The following ELOVL5 variants were observed in gnomAD, a reference collection of about 807,000 sequenced individuals.
ELOVL5 encodes the protein ELOVL fatty acid elongase 5, also known as very long chain fatty acid elongase 5.
In ELOVL5, 8 loss-of-function variants were observed where a neutral mutation model predicts 38.6. That is an observed-to-expected ratio of 0.21 (90% confidence interval 0.12 to 0.37). The LOEUF is 0.37. ELOVL5 is among the 10% of genes least tolerant of loss of function. The pLI is 1.00. For missense variants in ELOVL5, 280 were observed against 367.8 expected (o/e 0.76, Z 1.95); for synonymous variants, 127 against 133.7 (o/e 0.95, Z 0.34).
intron 3 of ELOVL5, among the ~76,000 whole-genome samples, chr6:53,279,267 C>G (rs533775872): frequency 3.1e-4 from 47 of 152,322 alleles, no homozygotes; most frequent in Admixed American, 2.9e-3. Flanking sequence ...TTCTTTTCAA[C>G]TAGAATGCCC....
At chr6:53,293,349 ACT>A (rs1766848073) in intron 2 of ELOVL5, among the ~76,000 whole-genome samples, 1 of 151,998 alleles carries the variant, frequency 6.6e-6, no homozygotes. Flanking sequence ...ACGGAGTCTC[ACT>A]CTGTCGCCCA....
chr6:53,323,062 C>T (rs1034734366), intron 1 of ELOVL5, among the ~76,000 whole-genome samples: 13 of 152,114 alleles, frequency 8.5e-5, no homozygotes, highest in Non-Finnish European at 1.3e-4. Flanking sequence ...GTTCAGTTAC[C>T]GAGCCTGCAC....
intron 1 of ELOVL5, among the ~76,000 whole-genome samples, chr6:53,340,484 C>T (rs1397224587): frequency 1.3e-5 from 2 of 152,182 alleles, no homozygotes; most frequent in East Asian, 1.9e-4. Context: ...ATTCACTCCC[C>T]ACTCACTGAC....
intron 1 of ELOVL5, among the ~76,000 whole-genome samples, chr6:53,311,837 G>A (rs1056895448): frequency 2.6e-5 from 4 of 152,094 alleles, no homozygotes; most frequent in African/African-American, 9.7e-5. Context: ...GACCGATACT[G>A]TTTATGATGT....
At position 53,299,962 on chromosome 6, in the gene ELOVL5, T is replaced by C. The variant is rs569417366; in HGVS notation, c.-8-4255A>G. ...AGAACAGATACATGTGGGGAAATGA[T>C]AATAATTTTCAAATTATTGTTCCTG... On this transcript the variant is annotated intron_variant, in intron 1 of 7. Transcript: ENST00000304434. Among the ~76,000 whole-genome samples, 394 of 152,302 alleles carry C rather than the reference T, an allele frequency of 2.6e-3. 1 individual carries two copies. Among genetic ancestry groups the C allele is most frequent in the African/African-American group, 8.6e-3 (357 of 41,566 alleles).
At chr6:53,290,972 G>A (rs1439160290) in intron 3 of ELOVL5, among the ~76,000 whole-genome samples, 1 of 152,060 alleles carries the variant, frequency 6.6e-6, no homozygotes, top group African/African-American at 2.4e-5. Context: ...TTCTCCAGAA[G>A]AGTTAGAAAT....
At chr6:53,275,897 TATG>T (rs1766093822) in intron 4 of ELOVL5, among the ~76,000 whole-genome samples, 1 of 152,264 alleles carries the variant, frequency 6.6e-6, no homozygotes, top group Non-Finnish European at 1.5e-5. Context: ...ACATTGCTCT[TATG>T]ATCCTGATTG....
At position 53,268,426 on chromosome 6, in the gene ELOVL5, C is replaced by T. The variant is rs182388209; in HGVS notation, c.*701G>A. On this transcript the variant is annotated 3_prime_UTR_variant, in exon 8 of 8. Transcript: ENST00000304434. ...CATCACGACTGCTGTAGAGCCCCCC[C>T]CTTTTTACATTAATAGTGGCACTCA... 2.0e-5 allele frequency: 3 copies of T among 152,226 alleles called. No homozygotes were observed. The highest frequency in any genetic ancestry group is 7.2e-5 in the African/African-American group (3 of 41,412). The allele number at this position is 152,226 out of a possible 1,614,324, so 9.4% of individuals were successfully genotyped here.
In ELOVL5 at chr6:53,329,707, C is replaced by T. The variant is rs572753032; in HGVS notation, c.-9+19110G>A. On this transcript the variant is annotated intron_variant, in intron 1 of 7. Transcript: ENST00000304434. ...GGCATGGTAGTAGGCACCTGTAATCCCAGCTACTTGGGAGGCTGAGGCAGG... is the reference window on the plus strand; with the variant it reads ...GGCATGGTAGTAGGCACCTGTAATCTCAGCTACTTGGGAGGCTGAGGCAGG... Among the ~76,000 whole-genome samples the T allele has an allele frequency of 9.4e-4, 143 of 152,202 alleles. 1 individual carries two copies. The highest frequency in any genetic ancestry group is 1.7e-3 in the Non-Finnish European group (119 of 68,006).
At chr6:53,322,823 G>A (rs570788261) in intron 1 of ELOVL5, among the ~76,000 whole-genome samples, 3 of 152,302 alleles carry the variant, frequency 2.0e-5, no homozygotes, top group South Asian at 4.1e-4. Flanking sequence ...ATCAAACAAA[G>A]CTTGCATCAT....
chr6:53,276,447 A>C (rs1766130611), intron 3 of ELOVL5, among the ~76,000 whole-genome samples, 191 bp from the exon 4 acceptor site: 1 of 152,214 alleles, frequency 6.6e-6, no homozygotes, highest in Non-Finnish European at 1.5e-5. Flanking sequence ...CAATTTCCTA[A>C]GGGGTGGGCT....
chr6:53,291,693 C>G (rs1396762399), intron 3 of ELOVL5, 83 bp downstream of exon 3: 1 of 1,225,088 alleles, frequency 8.2e-7, no homozygotes, highest in African/African-American at 1.5e-5. Context: ...AAGCGGCCAC[C>G]TTTCCTCATT....
At chr6:53,311,903 T>C (rs1402870445) in intron 1 of ELOVL5, among the ~76,000 whole-genome samples, 1 of 152,180 alleles carries the variant, frequency 6.6e-6, no homozygotes, top group Non-Finnish European at 1.5e-5. Flanking sequence ...AAATTAAAAA[T>C]AACTTTAAGA....
chr6:53,307,862 T>A (rs1357503419), intron 1 of ELOVL5, among the ~76,000 whole-genome samples: 1 of 152,154 alleles, frequency 6.6e-6, no homozygotes, highest in Non-Finnish European at 1.5e-5. Context: ...AGATGGCCAA[T>A]AAACTTATTC....
intron 5 of ELOVL5, 134 bp from the exon 6 acceptor site, chr6:53,273,478 G>A: frequency 2.7e-6 from 2 of 753,192 alleles, no homozygotes; most frequent in Non-Finnish European, 4.2e-6. Flanking sequence ...GACAAACACT[G>A]CAACAGCAAG....
chr6:53,289,502 T>C (rs1390210891), intron 3 of ELOVL5, among the ~76,000 whole-genome samples: 2 of 152,176 alleles, frequency 1.3e-5, no homozygotes, highest in African/African-American at 4.8e-5. Context: ...GTGGATCACC[T>C]GAGGTCAGGA....
intron 1 of ELOVL5, among the ~76,000 whole-genome samples, chr6:53,338,897 A>G (rs1769200521): frequency 6.6e-6 from 1 of 152,258 alleles, no homozygotes; most frequent in South Asian, 2.1e-4. Context: ...GTGATACCTT[A>G]AGCTGAAATT....
chr6:53,300,675 C>T (rs1336576342), intron 1 of ELOVL5, among the ~76,000 whole-genome samples: 5 of 152,186 alleles, frequency 3.3e-5, no homozygotes, highest in African/African-American at 1.2e-4. Flanking sequence ...GGCTGGCATG[C>T]ACAAGGACCA....
chr6:53,268,065 A>T lies in ELOVL5; in HGVS notation c.*1062T>A, dbSNP rs1205625183. The stretch of plus-strand genomic sequence containing the variant: ...CTGTAGCTATATTTGATTTTACCTT[A>T]AAAAGTTCTAAGGTCCTTTCCCCCC... On this transcript the variant is annotated 3_prime_UTR_variant, in exon 8 of 8. Coordinates refer to ENST00000304434, the MANE Select transcript of ELOVL5 (RefSeq NM_021814.5). 6.6e-6 allele frequency: 1 copy of T among 152,204 alleles called. No homozygotes were observed. The highest frequency in any genetic ancestry group is 1.5e-5 in the Non-Finnish European group (1 of 68,030). The allele number at this position is 152,204 out of a possible 1,614,324, so 9.4% of individuals were successfully genotyped here. A position where few individuals can be genotyped will look rare whatever the true frequency, so the allele number is the denominator to read the frequency against.
Sources: gnomAD v4.1 joint callset for allele counts (sites outside exome capture counted in the v4.1 genomes callset) on GRCh38, gnomAD v4.1.1 for gene constraint, MANE v1.5 for transcripts, NCBI Gene and HGNC (gene_info 2026-07-23, HGNC 2026-07-21) for gene names.